Variants in ARFGEF2 observed in about 807,000 individuals in gnomAD.
ARFGEF2 encodes ARF guanine nucleotide exchange factor 2.
A neutral mutation model predicts 219.9 loss-of-function variants in ARFGEF2; 74 were observed. That is an observed-to-expected ratio of 0.34 (90% confidence interval 0.28 to 0.41). The LOEUF is 0.41. Among genes scored for constraint, ARFGEF2 ranks in the 10% least tolerant of loss-of-function variants. The pLI is 1.00. For synonymous variants in ARFGEF2, 733 were observed against 799.2 expected (o/e 0.92, Z 1.40); for missense variants, 1,743 against 2,218.3 (o/e 0.79, Z 4.30).
chr20:48,970,627 T>C (rs1311091385), intron 9 of ARFGEF2, among the ~76,000 whole-genome samples: 1 of 151,728 alleles, frequency 6.6e-6, no homozygotes, highest in African/African-American at 2.4e-5. Context: ...AATAAATAAA[T>C]AAATAAAATA....
chr20:48,944,494 A>G (rs2091013822), intron 3 of ARFGEF2, among the ~76,000 whole-genome samples: 1 of 152,130 alleles, frequency 6.6e-6, no homozygotes. Context: ...GCCTAGTCCA[A>G]GGTAGGCTGC....
chr20:48,965,123 T>C (rs2091179641), intron 7 of ARFGEF2, among the ~76,000 whole-genome samples: 1 of 152,232 alleles, frequency 6.6e-6, no homozygotes, highest in Non-Finnish European at 1.5e-5. Flanking sequence ...ATTTCATACC[T>C]TTAGATTTGT....
chr20:48,994,356 G>GA, intron 21 of ARFGEF2, 95 bp from the exon 22 acceptor site: 1 of 1,520,346 alleles, frequency 6.6e-7, no homozygotes, highest in Non-Finnish European at 9.0e-7. Context: ...TAACTCCATT[G>GA]AACCAACTTT....
chr20:48,994,598 G>A lies in ARFGEF2; in HGVS notation c.3121G>A (p.Gly1041Ser), dbSNP rs537313958. 1.2e-5 allele frequency: 20 copies of A among 1,613,558 alleles called. No individual in the cohort carries two copies. The highest frequency in any genetic ancestry group is 4.5e-5 in the East Asian group (2 of 44,876). The change falls in exon 22 of 39, where the codon GGT becomes AGT. Residue 1041 changes from glycine to serine, a missense_variant and splice_region_variant. This residue lies in a region of ARFGEF2 where 666 missense variants were observed against 955.4 expected (regional missense o/e 0.70). Coordinates refer to ENST00000371917, the MANE Select transcript of ARFGEF2 (RefSeq NM_006420.3). ...AGAAGAGTTCATGGGCCTTGGCCTCGGTAAGACACCAGGCCCCACAGCTAA... is the reference window on the plus strand; with the variant it reads ...AGAAGAGTTCATGGGCCTTGGCCTCAGTAAGACACCAGGCCCCACAGCTAA... ...AGEEFMGLGLGNLVSGGVDKR... is the reference protein window; with the variant it reads ...AGEEFMGLGLSNLVSGGVDKR...
intron 16 of ARFGEF2, among the ~76,000 whole-genome samples, chr20:48,986,368 C>G (rs2091326470): frequency 1.3e-5 from 2 of 152,130 alleles, no homozygotes; most frequent in East Asian, 3.8e-4. Context: ...GTAGCTCTTG[C>G]CTGTAATCCC....
chr20:48,926,605 C>T (rs749973565), intron 1 of ARFGEF2, among the ~76,000 whole-genome samples: 21 of 152,174 alleles, frequency 1.4e-4, no homozygotes, highest in Non-Finnish European at 2.6e-4. Context: ...ACTACAGGGG[C>T]GTACCACCCA....
Position 48,995,856 on chromosome 20 carries a change from G to A in ARFGEF2, c.3195G>A (p.Ser1065=), listed in dbSNP as rs139648715. 1.6e-5 allele frequency: 26 copies of A among 1,613,992 alleles called. No individual in the cohort carries two copies. The highest frequency in any genetic ancestry group is 1.6e-4 in the Middle Eastern group (1 of 6,084). Reference sequence around the variant, plus strand: ...AAGAATCGGTTGGTGAGACCAGCTCGCAGAGTGTGGTTGTAGCTGTGGACA... The same window carrying A: ...AAGAATCGGTTGGTGAGACCAGCTCACAGAGTGTGGTTGTAGCTGTGGACA... The part of the protein sequence containing the change: ...SFQESVGETS[S]QSVVVAVDRI... The change falls in exon 23 of 39, where the codon TCG becomes TCA. Residue 1065 remains serine, a synonymous_variant. Coordinates refer to ENST00000371917, the MANE Select transcript of ARFGEF2 (RefSeq NM_006420.3).
intron 1 of ARFGEF2, among the ~76,000 whole-genome samples, chr20:48,937,310 C>T (rs1026205821): frequency 3.3e-5 from 5 of 152,262 alleles, no homozygotes; most frequent in African/African-American, 1.2e-4. Flanking sequence ...CTCCCAGCCC[C>T]TCCATGGGCT....
intron 3 of ARFGEF2, among the ~76,000 whole-genome samples, chr20:48,946,180 A>G (rs980993208): frequency 2.6e-5 from 4 of 152,210 alleles, no homozygotes; most frequent in Admixed American, 6.5e-5. Context: ...CTGCAGATAC[A>G]TCAGTGCTAT....
chr20:49,003,384 C>G (rs1054029140), intron 25 of ARFGEF2, among the ~76,000 whole-genome samples: 1 of 151,714 alleles, frequency 6.6e-6, no homozygotes, highest in Non-Finnish European at 1.5e-5. Flanking sequence ...GCGGTTGGAT[C>G]ACCTGAAGTC....
rs369610149 is a variant in ARFGEF2 at position 49,019,926 on chromosome 20, T to A, written c.4624+928T>A. On this transcript the variant is annotated intron_variant, in intron 34 of 38. Transcript: ENST00000371917. ...TTTTTGCCAAATTGTCTCTTAATGT[T>A]GCTTATGATGTGTTTTACTGTCATT... Among the ~76,000 whole-genome samples the A allele has an allele frequency of 3.3e-5, 5 of 152,208 alleles. No individual in the cohort carries two copies. In the East Asian group the frequency reaches 9.6e-4, roughly 29 times the overall value.
In ARFGEF2 at chr20:49,016,397, C is replaced by G; in HGVS notation, c.4297C>G (p.Gln1433Glu). The part of the protein sequence containing the change: ...VLLSDVFAQL[Q>E]WCVKQDNEQL... ...TCTTTCTGATGTATTTGCACAATTG[C>G]AGTGGTGTGTCAAACAAGGTACTCT... The change falls in exon 31 of 39, where the codon CAG (glutamine) becomes GAG (glutamate). Residue 1433 changes from glutamine to glutamate, a missense_variant. This residue lies in a region of ARFGEF2 where 578 missense variants were observed against 664.0 expected (regional missense o/e 0.87). Transcript: ENST00000371917. 1.2e-6 allele frequency: 2 copies of G among 1,613,138 alleles called. No homozygotes were observed. The highest frequency in any genetic ancestry group is 1.7e-6 in the Non-Finnish European group (2 of 1,179,916).
At chr20:48,974,715 T>G in intron 12 of ARFGEF2, 51 bp from the exon 13 acceptor site, 12 of 1,456,376 alleles carry the variant, frequency 8.2e-6, no homozygotes, top group Non-Finnish European at 1.0e-5. Flanking sequence ...TAGATGTCTG[T>G]TCTCTTCATT....
chr20:48,964,531 A>T (rs1007903190), intron 7 of ARFGEF2, among the ~76,000 whole-genome samples: 9 of 152,214 alleles, frequency 5.9e-5, no homozygotes, highest in Admixed American at 2.6e-4. Context: ...TGGAGCCCTG[A>T]GATCCATGTC....
intron 26 of ARFGEF2, 151 bp downstream of exon 26, chr20:49,005,372 T>C (rs1262041708): frequency 6.1e-6 from 6 of 991,332 alleles, no homozygotes; most frequent in Non-Finnish European, 9.1e-6. Flanking sequence ...CGATTTTCCT[T>C]AAACAAATCT....
At chr20:49,013,474 T>A in intron 28 of ARFGEF2, 90 bp from the exon 29 acceptor site, 1 of 1,547,558 alleles carries the variant, frequency 6.5e-7, no homozygotes, top group Non-Finnish European at 8.9e-7. Flanking sequence ...GAGAGAAAAA[T>A]GTGTGGGGCC....
In ARFGEF2 at chr20:48,985,455, G is replaced by T. The variant is rs202169231; in HGVS notation, c.2118G>T (p.Glu706Asp). 1.2e-6 allele frequency: 2 copies of T among 1,614,186 alleles called. No homozygotes were observed. Among genetic ancestry groups the T allele is most frequent in the Admixed American group, 3.3e-5 (2 of 60,020 alleles). The change falls in exon 16 of 39, where the codon GAG (glutamate) becomes GAT (aspartate). Residue 706 changes from glutamate (E) to aspartate (D), a missense_variant. Coordinates refer to ENST00000371917, the MANE Select transcript of ARFGEF2 (RefSeq NM_006420.3). Reference sequence around the variant, plus strand: ...GAGATAGCGCAAGGTTCAACAAGGAGGTGATGTATGCCTACGTGGACCAAC... The same window carrying T: ...GAGATAGCGCAAGGTTCAACAAGGATGTGATGTATGCCTACGTGGACCAAC... ...FLGDSARFNK[E>D]VMYAYVDQLD... is the part of the protein sequence containing the mutation.
chr20:48,988,941 C>T (rs989048849), intron 18 of ARFGEF2, among the ~76,000 whole-genome samples: 6 of 152,006 alleles, frequency 3.9e-5, no homozygotes, highest in South Asian at 2.1e-4. Flanking sequence ...AGATTGTGTC[C>T]GCCTTGATTA....
chr20:48,993,718 G>T (rs1285105792), intron 21 of ARFGEF2, among the ~76,000 whole-genome samples: 1 of 152,150 alleles, frequency 6.6e-6, no homozygotes, highest in Admixed American at 6.6e-5. Flanking sequence ...AGGAGGGCCC[G>T]TGTGCAGATC....
Sources: gnomAD v4.1 joint callset for allele counts (sites outside exome capture counted in the v4.1 genomes callset) on GRCh38, gnomAD v4.1.1 for gene constraint, gnomAD v4.1.1 regional missense constraint, MANE v1.5 for transcripts, NCBI Gene and HGNC (gene_info 2026-07-23, HGNC 2026-07-21) for gene names.